The following NR1H3 variants were observed in gnomAD, a reference collection of about 807,000 sequenced individuals.
The protein encoded by NR1H3 is oxysterols receptor LXR-alpha.
A neutral mutation model predicts 48.1 loss-of-function variants in NR1H3; 19 were observed. The ratio of observed to expected loss-of-function variants is 0.40; its 90% CI spans 0.28 to 0.58. The LOEUF is 0.58. Among genes scored for constraint, NR1H3 ranks in the 20% least tolerant of loss-of-function variants. The pLI is 0.50. For synonymous variants in NR1H3, 232 were observed against 227.3 expected, an observed-to-expected ratio of 1.02 and a Z score of -0.19; for missense variants, 486 against 595.9, an observed-to-expected ratio of 0.82 and a Z score of 1.92.
intron 9 of NR1H3, 66 bp from the exon 10 acceptor site, chr11:47,268,484 C>T: frequency 6.2e-7 from 1 of 1,606,132 alleles, no homozygotes; most frequent in South Asian, 1.1e-5. Flanking sequence ...TCCCACAACT[C>T]CCCTACTCTT....
At chr11:47,265,862 C>A (rs1268169406) in intron 7 of NR1H3, among the ~76,000 whole-genome samples, 1 of 152,158 alleles carries the variant, frequency 6.6e-6, no homozygotes, top group Non-Finnish European at 1.5e-5. Flanking sequence ...CAGAGCAAGA[C>A]TCTTTGTCTC....
chr11:47,259,508 C>G (rs1955593824), intron 2 of NR1H3: 1 of 1,528,534 alleles, frequency 6.5e-7, no homozygotes, highest in Non-Finnish European at 8.8e-7. Context: ...AGTGCTTACC[C>G]TGCTCTGGCT....
In NR1H3 at chr11:47,268,638, G is replaced by A; in HGVS notation, c.1286G>A (p.Arg429His). 1 of 1,614,222 alleles carries A rather than the reference G, an allele frequency of 6.2e-7. No homozygotes were observed. Among genetic ancestry groups the A allele is most frequent in the Non-Finnish European group, 8.5e-7 (1 of 1,180,036 alleles). The part of the protein sequence containing the change: ...SVHSEQVFAL[R>H]LQDKKLPPLL... ...CACTCAGAGCAAGTGTTTGCACTGC[G>A]TCTGCAGGACAAAAAGCTCCCACCG... is the stretch of plus-strand genomic sequence containing the variant. The change falls in exon 10 of 10, where the codon CGT becomes CAT. Residue 429 changes from arginine (R) to histidine (H), a missense_variant. Arg to His is a conservative substitution (Grantham distance 29). Transcript: ENST00000441012.
upstream of NR1H3, chr11:47,248,529 G>A: frequency 1.3e-6 from 2 of 1,551,488 alleles, no homozygotes; most frequent in African/African-American, 1.4e-5. Context: ...CAGGGCTCCA[G>A]GTCAATCCTG....
chr11:47,268,170 C>A, intron 8 of NR1H3, 91 bp from the exon 9 acceptor site: 1 of 1,296,474 alleles, frequency 7.7e-7, no homozygotes, highest in Non-Finnish European at 1.1e-6. Flanking sequence ...GAGAGCTTGG[C>A]TGGAGCATGT....
chr11:47,255,615 C>CTCTCTCTTTCTT (rs1554981334), upstream of NR1H3, among the ~76,000 whole-genome samples: 12 of 93,192 alleles, frequency 1.3e-4, no homozygotes, highest in African/African-American at 5.2e-4. Context: ...CTCTCTCTCT[C>CTCTCTCTTTCTT]TCTTTCTTTC....
upstream of NR1H3, chr11:47,257,808 A>AG (rs1286206646): frequency 2.8e-6 from 1 of 358,220 alleles, no homozygotes; most frequent in Non-Finnish European, 3.2e-6. Context: ...GGCCGGGAGT[A>AG]GGGGGCGGGA....
Position 47,261,845 on chromosome 11 carries a change from G to C in NR1H3, c.889-74G>C, listed in dbSNP as rs757687756. The stretch of plus-strand genomic sequence containing the variant: ...CTGGGAAGCAGGGATGAGGAGAATC[G>C]GCCTCCCTGGAAGAGGCCATGCTCC... On this transcript the variant is annotated intron_variant, in intron 6 of 9. Coordinates refer to ENST00000441012, the MANE Select transcript of NR1H3 (RefSeq NM_005693.4). The C allele has an allele frequency of 3.8e-6, 6 of 1,595,346 alleles. No homozygotes were observed. In the South Asian group the frequency reaches 5.5e-5, roughly 15 times the overall value.
chr11:47,266,968 A>G (rs1956551387), intron 7 of NR1H3, among the ~76,000 whole-genome samples: 1 of 152,170 alleles, frequency 6.6e-6, no homozygotes, highest in African/African-American at 2.4e-5. Context: ...AAACAAAAAT[A>G]AGAGTTGCCT....
intron 9 of NR1H3, 30 bp from the exon 10 acceptor site, chr11:47,268,520 A>C: frequency 6.2e-7 from 1 of 1,613,946 alleles, no homozygotes; most frequent in Non-Finnish European, 8.5e-7. Flanking sequence ...GGACAGGCAA[A>C]AGCTGTGTTT....
chr11:47,248,853 C>T (rs1398735794), upstream of NR1H3: 2 of 1,551,872 alleles, frequency 1.3e-6, no homozygotes, highest in East Asian at 2.4e-5. Flanking sequence ...AAGCAGCCGC[C>T]CGGACGCACC....
At chr11:47,257,754 G>A, upstream of NR1H3, 1 of 974,194 alleles carries the variant, frequency 1.0e-6, no homozygotes. Flanking sequence ...AGGAAGGGGA[G>A]AGACATGGAA....
Position 47,261,663 on chromosome 11 carries a change from A to C in NR1H3, c.825A>C (p.Leu275=), listed in dbSNP as rs1955885002. Residue 275 remains leucine (L), a synonymous_variant, in exon 6 of 10, where the codon CTA becomes CTC. Transcript: ENST00000441012. The stretch of plus-strand genomic sequence containing the variant: ...AGATAGTTGACTTTGCTAAACAGCT[A>C]CCCGGCTTCCTGCAGCTCAGCCGGG... ...VQEIVDFAKQ[L]PGFLQLSRED... is the part of the protein sequence containing the mutation. 1 of 1,614,128 alleles carries C rather than the reference A, an allele frequency of 6.2e-7. No individual in the cohort carries two copies. Among genetic ancestry groups the C allele is most frequent in the Non-Finnish European group, 8.5e-7 (1 of 1,180,018 alleles).
intron 2 of NR1H3, 103 bp from the exon 3 acceptor site, chr11:47,259,688 C>A: frequency 6.4e-7 from 1 of 1,571,334 alleles, no homozygotes; most frequent in Non-Finnish European, 8.6e-7. Context: ...ACTTTGCTGC[C>A]CTCTAAGGGT....
intron 7 of NR1H3, among the ~76,000 whole-genome samples, chr11:47,263,580 C>T (rs2135667658): frequency 1.3e-5 from 2 of 151,312 alleles, no homozygotes; most frequent in Middle Eastern, 3.4e-3. Flanking sequence ...ACAGCCTCCC[C>T]TACTCTTTTT....
In NR1H3 at chr11:47,251,554, G is replaced by A. The variant is rs573000587; in HGVS notation, c.-93+2555G>A. ...TTGAACCCAGGATACAGAGGCTGCC[G>A]TGAGCCGAGATTGTGCCACTTCACT... On this transcript the variant is annotated intron_variant, in intron 1 of 8. Transcript: ENST00000395397. 1.1e-4 allele frequency among the ~76,000 whole-genome samples: 16 copies of A among 152,168 alleles called. No homozygotes were observed. The East Asian group carries it at 2.9e-3, about 28-fold the overall frequency.
intron 1 of NR1H3, among the ~76,000 whole-genome samples, chr11:47,251,780 A>G (rs997131753): frequency 6.6e-6 from 1 of 152,172 alleles, no homozygotes; most frequent in African/African-American, 2.4e-5. Context: ...AATTTCAGCT[A>G]TCTCTCAAAT....
chr11:47,258,912 A>T, intron 1 of NR1H3: 1 of 418,848 alleles, frequency 2.4e-6, no homozygotes, highest in Non-Finnish European at 4.3e-6. Context: ...GCAGTGGCTT[A>T]CTCCAATAAT....
intron 1 of NR1H3, among the ~76,000 whole-genome samples, chr11:47,251,101 G>A (rs747167977): frequency 6.6e-6 from 1 of 152,196 alleles, no homozygotes; most frequent in East Asian, 1.9e-4. Context: ...GGAGCTTGCA[G>A]TGAGCGGAGA....
Sources: allele counts gnomAD v4.1 joint callset (sites outside exome capture counted in the v4.1 genomes callset), GRCh38; gene constraint gnomAD v4.1.1; transcripts MANE v1.5; gene names NCBI Gene and HGNC (gene_info 2026-07-23, HGNC 2026-07-21).